Variants in MAGI2 observed in about 807,000 individuals in gnomAD.
MAGI2 encodes the protein membrane associated guanylate kinase, WW and PDZ domain containing 2, also known as membrane-associated guanylate kinase, WW and PDZ domain-containing protein 2.
Under a neutral mutation model 133.3 loss-of-function variants are expected in MAGI2, and 35 were observed. The observed-to-expected ratio is 0.26, with a 90% CI of 0.20 to 0.35. The LOEUF is 0.35. MAGI2 is among the 10% of genes least tolerant of loss of function. The probability of loss-of-function intolerance (pLI) is 1.00; values close to 1 mark genes in which losing one functional copy is unlikely to be tolerated. For missense variants in MAGI2, 1,636 were observed against 1,863.4 expected, an observed-to-expected ratio of 0.88 and a Z score of 2.25; for synonymous variants, 729 against 710.6, an observed-to-expected ratio of 1.03 and a Z score of -0.41.
Position 79,070,949 on chromosome 7 carries a change from T to A in MAGI2, c.302-63743A>T, listed in dbSNP as rs184133417. On this transcript the variant is annotated intron_variant, in intron 1 of 21. Coordinates refer to ENST00000354212, the MANE Select transcript of MAGI2 (RefSeq NM_012301.4). ...ACCTTCTGAAGCCTACTTCTGTCAA[T>A]TCATCAAACTCATTCTCCATCCAGT... Among the ~76,000 whole-genome samples the A allele has an allele frequency of 6.9e-3, 1,047 of 152,290 alleles. 9 individuals are homozygous for A. Among genetic ancestry groups the A allele is most frequent in the Non-Finnish European group, 9.3e-3 (631 of 68,020 alleles).
At chr7:78,042,697 G>A (rs1810982352) in intron 21 of MAGI2, among the ~76,000 whole-genome samples, 1 of 152,236 alleles carries the variant, frequency 6.6e-6, no homozygotes, top group African/African-American at 2.4e-5. Flanking sequence ...TTGTTAATAA[G>A]AAGTAAATGC....
At chr7:78,645,454 A>C (rs1455814542) in intron 2 of MAGI2, among the ~76,000 whole-genome samples, 1 of 152,190 alleles carries the variant, frequency 6.6e-6, no homozygotes, top group Non-Finnish European at 1.5e-5. Context: ...AGGACAATAC[A>C]TCATGAGCAC....
At chr7:78,491,284 G>C (rs1793578225) in intron 5 of MAGI2, among the ~76,000 whole-genome samples, 1 of 152,022 alleles carries the variant, frequency 6.6e-6, no homozygotes, top group African/African-American at 2.4e-5. Flanking sequence ...GCTATTCCGA[G>C]GTGTTAAATC....
intron 2 of MAGI2, among the ~76,000 whole-genome samples, chr7:78,691,587 T>C (rs1336897283): frequency 6.6e-6 from 1 of 152,130 alleles, no homozygotes; most frequent in Admixed American, 6.6e-5. Flanking sequence ...TAAAAAGGAA[T>C]GTACAAAAGT....
intron 2 of MAGI2, among the ~76,000 whole-genome samples, chr7:78,945,865 G>T (rs1387678654): frequency 1.3e-5 from 2 of 151,958 alleles, no homozygotes; most frequent in African/African-American, 4.8e-5. Flanking sequence ...CTTCATCTTC[G>T]GGATCTTCCT....
chr7:78,271,798 A>G (rs1424614556), intron 9 of MAGI2, among the ~76,000 whole-genome samples: 1 of 151,956 alleles, frequency 6.6e-6, no homozygotes, highest in Admixed American at 6.6e-5. Context: ...CGGTGGTGAT[A>G]TCCCCTTTAT....
intron 2 of MAGI2, among the ~76,000 whole-genome samples, chr7:78,835,254 T>G (rs566001787): frequency 6.6e-6 from 1 of 152,322 alleles, no homozygotes; most frequent in Non-Finnish European, 1.5e-5. Flanking sequence ...ATTGTCTGTC[T>G]TTTTTATTAT....
intron 7 of MAGI2, among the ~76,000 whole-genome samples, chr7:78,368,253 C>T (rs1793581498): frequency 6.6e-6 from 1 of 152,110 alleles, no homozygotes; most frequent in Admixed American, 6.6e-5. Flanking sequence ...AATATTGTTA[C>T]AAAAACAATT....
At chr7:78,596,430 G>A (rs1804619183) in intron 3 of MAGI2, among the ~76,000 whole-genome samples, 1 of 152,126 alleles carries the variant, frequency 6.6e-6, no homozygotes, top group Non-Finnish European at 1.5e-5. Context: ...CTATCCTGAA[G>A]GAAAAAAACA....
intron 2 of MAGI2, among the ~76,000 whole-genome samples, chr7:78,929,787 T>C (rs544725034): frequency 3.7e-4 from 57 of 152,098 alleles, no homozygotes; most frequent in Non-Finnish European, 7.6e-4. Flanking sequence ...CCACATAAGA[T>C]AATGTATTCA....
chr7:78,176,773 A>C (rs1266983499), intron 14 of MAGI2, among the ~76,000 whole-genome samples: 1 of 152,026 alleles, frequency 6.6e-6, no homozygotes, highest in Non-Finnish European at 1.5e-5. Flanking sequence ...GATTGAGTCC[A>C]GGAAGTTGAG....
chr7:78,465,142 G>A (rs947695181), intron 6 of MAGI2, among the ~76,000 whole-genome samples: 2 of 152,094 alleles, frequency 1.3e-5, no homozygotes, highest in Non-Finnish European at 2.9e-5. Flanking sequence ...TGTGTCCTCA[G>A]CGTTAATTCA....
At chr7:78,867,976 G>GA (rs1333718070) in intron 2 of MAGI2, among the ~76,000 whole-genome samples, 1 of 151,456 alleles carries the variant, frequency 6.6e-6, no homozygotes, top group Non-Finnish European at 1.5e-5. Context: ...AACGAAGAGT[G>GA]AAAAAATGTA....
Position 78,124,134 on chromosome 7 carries a change from G to A in MAGI2, c.3567+1560C>T, listed in dbSNP as rs148844076. Reference sequence around the variant, plus strand: ...GGTCTCTATCTCTCACAGGGCTCTGGCCATTTTGCACATGGTCTTCCTACT... The same window carrying A: ...GGTCTCTATCTCTCACAGGGCTCTGACCATTTTGCACATGGTCTTCCTACT... On this transcript the variant is annotated intron_variant, in intron 20 of 21. Coordinates refer to ENST00000354212, the MANE Select transcript of MAGI2 (RefSeq NM_012301.4). Among the ~76,000 whole-genome samples, 88 of 152,264 alleles carry A rather than the reference G, an allele frequency of 5.8e-4. 1 individual carries two copies. The highest frequency in any genetic ancestry group is 2.1e-3 in the African/African-American group (87 of 41,554).
intron 10 of MAGI2, among the ~76,000 whole-genome samples, chr7:78,217,842 C>G (rs1326829778): frequency 1.3e-5 from 2 of 152,200 alleles, no homozygotes; most frequent in East Asian, 1.9e-4. Context: ...TTCAATGGAA[C>G]AGAAGAGGCC....
chr7:78,076,422 C>T (rs1815296713), intron 21 of MAGI2, among the ~76,000 whole-genome samples: 1 of 147,584 alleles, frequency 6.8e-6, no homozygotes, highest in African/African-American at 2.5e-5. Flanking sequence ...TCACACCACT[C>T]CACTCCAGTC....
intron 2 of MAGI2, among the ~76,000 whole-genome samples, chr7:78,629,622 A>C (rs1246646380): frequency 2.0e-5 from 3 of 152,180 alleles, no homozygotes; most frequent in Non-Finnish European, 2.9e-5. Context: ...TTGCTATAAA[A>C]AAACAAAAAC....
chr7:78,132,750 G>A (rs184051916), intron 18 of MAGI2, 139 bp downstream of exon 18: 543 of 1,268,632 alleles, frequency 4.3e-4, no homozygotes, highest in Middle Eastern at 2.5e-3. Flanking sequence ...ACACAACCTC[G>A]AAATCACACA....
intron 1 of MAGI2, among the ~76,000 whole-genome samples, chr7:79,442,598 C>A (rs1848565540): frequency 6.6e-6 from 1 of 152,030 alleles, no homozygotes; most frequent in South Asian, 2.1e-4. Context: ...AAAAGGAGAT[C>A]CAACTATAGA....
Sources: gnomAD v4.1 joint callset for allele counts (sites outside exome capture counted in the v4.1 genomes callset) on GRCh38, gnomAD v4.1.1 for gene constraint, MANE v1.5 for transcripts, NCBI Gene and HGNC (gene_info 2026-07-23, HGNC 2026-07-21) for gene names.